Variants in ADAMTS9 observed in about 807,000 individuals in gnomAD.
ADAMTS9 encodes ADAM metallopeptidase with thrombospondin type 1 motif 9, also known as A disintegrin and metalloproteinase with thrombospondin motifs 9.
ADAMTS9 carries 107 observed loss-of-function variants against 257.1 expected under a neutral mutation model. The observed-to-expected ratio is 0.42, with a 90% CI of 0.36 to 0.49. The LOEUF is 0.49. ADAMTS9 is among the 20% of genes least tolerant of loss of function. The probability of loss-of-function intolerance (pLI) is 0.03; values close to 1 mark genes in which losing one functional copy is unlikely to be tolerated. For synonymous variants in ADAMTS9, 982 were observed against 880.9 expected (o/e 1.11, Z -2.03); for missense variants, 2,353 against 2,469.1 (o/e 0.95, Z 1.00).
intron 28 of ADAMTS9, chr3:64,588,819 G>C (rs1214736079): frequency 6.6e-6 from 1 of 152,182 alleles, no homozygotes; most frequent in Non-Finnish European, 1.5e-5. Context: ...TTAAAAGCCT[G>C]CTAAGTTTTG....
chr3:64,567,537 T>C (rs978699008), intron 29 of ADAMTS9, among the ~76,000 whole-genome samples: 15 of 152,210 alleles, frequency 9.9e-5, no homozygotes, highest in South Asian at 2.1e-4. Flanking sequence ...GGATTTGATA[T>C]GAACGGCTTT....
chr3:64,596,566 A>G (rs2084368273), intron 27 of ADAMTS9, among the ~76,000 whole-genome samples: 1 of 152,210 alleles, frequency 6.6e-6, no homozygotes, highest in Admixed American at 6.5e-5. Flanking sequence ...TTTTTTAATC[A>G]TCAGAGGTGA....
chr3:64,639,297 T>TTTTG (rs1700577270), intron 12 of ADAMTS9, among the ~76,000 whole-genome samples: 3 of 143,958 alleles, frequency 2.1e-5, no homozygotes, highest in Non-Finnish European at 4.5e-5. Flanking sequence ...TGGATTGTTT[T>TTTTG]TTTTTTTTTT....
chr3:64,548,050 A>C (rs2106926094), intron 31 of ADAMTS9, among the ~76,000 whole-genome samples: 1 of 152,264 alleles, frequency 6.6e-6, no homozygotes, highest in Admixed American at 6.5e-5. Flanking sequence ...ACCCCAAAAC[A>C]GTATGCCACA....
Position 64,686,858 on chromosome 3 carries a change from T to A in ADAMTS9, c.226A>T (p.Ile76Phe), listed in dbSNP as rs114504955. 3.1e-6 allele frequency: 5 copies of A among 1,614,016 alleles called. No homozygotes were observed. The highest frequency in any genetic ancestry group is 1.3e-5 in the African/African-American group (1 of 74,918). ...GGCCAGGGGTCAGTGGCAGAGTTAA[T>A]GCTCCGTCGCGTTCTTTTGAAGTGG... The part of the protein sequence containing the change: ...NVHFKRTRRS[I>F]NSATDPWPAF... The change falls in exon 2 of 40, where the codon ATT becomes TTT. Residue 76 changes from isoleucine to phenylalanine, a missense_variant. By Grantham distance (21) the Ile-to-Phe change is conservative. Transcript: ENST00000498707. This position sits in a 1 kb window ranked among gnomAD's most constrained non-coding sequence, Gnocchi z 4.6.
intron 29 of ADAMTS9, chr3:64,565,502 C>T (rs1469571632): frequency 6.6e-6 from 1 of 152,194 alleles, no homozygotes; most frequent in Non-Finnish European, 1.5e-5. Context: ...TGAAGAAGAT[C>T]TGCATCTCAG....
Position 64,687,526 on chromosome 3 carries a change from G to T in ADAMTS9, c.115+17C>A. 1 of 1,517,572 alleles carries T rather than the reference G, an allele frequency of 6.6e-7. No homozygotes were observed. The allele number at this position is 1,517,572 out of a possible 1,614,324, so 94.0% of individuals were successfully genotyped here. A position where few individuals can be genotyped will look rare whatever the true frequency, so the allele number is the denominator to read the frequency against. On this transcript the variant is annotated intron_variant, in intron 1 of 39. Transcript: ENST00000498707. The surrounding 1 kb of genome is among the most constrained non-coding windows in gnomAD (Gnocchi z 4.4). ...GCGTCGGGGCCGGCGGGGTCCCGGG[G>T]GCCGGAGCCTGGTTACCTTGCCTCG...
At chr3:64,561,794 T>C in intron 29 of ADAMTS9, 43 bp from the exon 30 acceptor site, 1 of 1,434,966 alleles carries the variant, frequency 7.0e-7, no homozygotes, top group African/African-American at 1.4e-5. Context: ...GGCTCATTTA[T>C]TTTTTGGGGG....
At chr3:64,653,572 G>T (rs1700984315) in intron 8 of ADAMTS9, among the ~76,000 whole-genome samples, 2 of 152,110 alleles carry the variant, frequency 1.3e-5, no homozygotes, top group Non-Finnish European at 1.5e-5. Context: ...TTTAATAAAT[G>T]ATGTTAGCTC....
At position 64,554,371 on chromosome 3, in the gene ADAMTS9, G is replaced by A. The variant is rs187479001; in HGVS notation, c.4699-3309C>T. On this transcript the variant is annotated intron_variant, in intron 30 of 39. Coordinates refer to ENST00000498707, the MANE Select transcript of ADAMTS9 (RefSeq NM_182920.2). Reference sequence around the variant, plus strand: ...CCAGTGTTTCCTAAATTAGTCAACAGCAGCTCTGAAAATCACATGGCAAGG... The same window carrying A: ...CCAGTGTTTCCTAAATTAGTCAACAACAGCTCTGAAAATCACATGGCAAGG... Among the ~76,000 whole-genome samples, 50 of 152,312 alleles carry A rather than the reference G, an allele frequency of 3.3e-4. No individual in the cohort carries two copies. In the East Asian group the frequency reaches 6.6e-3, roughly 20 times the overall value.
intron 39 of ADAMTS9, among the ~76,000 whole-genome samples, 172 bp downstream of exon 39, chr3:64,521,993 AT>A (rs1332061273): frequency 6.6e-6 from 1 of 152,222 alleles, no homozygotes; most frequent in African/African-American, 2.4e-5. Flanking sequence ...CAGAGAACTG[AT>A]GGCTTCAGTC....
chr3:64,528,424 TTCTG>T (rs746828610), intron 38 of ADAMTS9, among the ~76,000 whole-genome samples: 19 of 152,152 alleles, frequency 1.2e-4, no homozygotes, highest in Non-Finnish European at 2.5e-4. Flanking sequence ...ATGGCCTCCT[TTCTG>T]TCTGTCTGTC....
chr3:64,640,859 G>A (rs1301017927), intron 12 of ADAMTS9, among the ~76,000 whole-genome samples: 1 of 150,636 alleles, frequency 6.6e-6, no homozygotes, highest in Admixed American at 6.6e-5. Context: ...TGTCTGCTAT[G>A]ACAAATGCTG....
At chr3:64,677,821 G>GCA (rs1416267646) in intron 3 of ADAMTS9, among the ~76,000 whole-genome samples, 1 of 152,030 alleles carries the variant, frequency 6.6e-6, no homozygotes, top group East Asian at 1.9e-4. Context: ...TCTCCTCCTG[G>GCA]CACAGAGAAG....
At chr3:64,643,448 T>C (rs1012262191) in intron 11 of ADAMTS9, among the ~76,000 whole-genome samples, 3 of 120,744 alleles carry the variant, frequency 2.5e-5, no homozygotes, top group Non-Finnish European at 5.2e-5. Context: ...CTCAATAATT[T>C]TTTTTTTTTT....
intron 30 of ADAMTS9, among the ~76,000 whole-genome samples, chr3:64,554,631 G>A (rs1007956762): frequency 6.6e-6 from 1 of 152,198 alleles, no homozygotes; most frequent in Admixed American, 6.5e-5. Flanking sequence ...TCTAATTTCA[G>A]TATGGCTTTT....
chr3:64,582,059 T>C (rs1450993309), intron 28 of ADAMTS9, among the ~76,000 whole-genome samples: 1 of 152,170 alleles, frequency 6.6e-6, no homozygotes, highest in African/African-American at 2.4e-5. Flanking sequence ...CCAAGACATA[T>C]CATCTAAAAT....
rs886520869 is a variant in ADAMTS9 at position 64,687,053 on chromosome 3, G to C, written c.116-85C>G. On this transcript the variant is annotated intron_variant, in intron 1 of 39. Coordinates refer to ENST00000498707, the MANE Select transcript of ADAMTS9 (RefSeq NM_182920.2). This position sits in a 1 kb window ranked among gnomAD's most constrained non-coding sequence, Gnocchi z 4.4. ...AAAACGAAGGTGGGGACTTTGTTCTGACCTTATTTTCCAGCCCATTCGAGT... is the reference window on the plus strand; with the variant it reads ...AAAACGAAGGTGGGGACTTTGTTCTCACCTTATTTTCCAGCCCATTCGAGT... 5 of 1,477,366 alleles carry C rather than the reference G, an allele frequency of 3.4e-6. No homozygotes were observed. The highest frequency in any genetic ancestry group is 4.6e-6 in the Non-Finnish European group (5 of 1,094,858). The allele number at this position is 1,477,366 out of a possible 1,614,324, so 91.5% of individuals were successfully genotyped here. A position where few individuals can be genotyped will look rare whatever the true frequency, so the allele number is the denominator to read the frequency against.
Position 64,568,549 on chromosome 3 carries a change from C to A in ADAMTS9, c.4357-14G>T. On this transcript the variant is annotated splice_polypyrimidine_tract_variant and intron_variant, in intron 28 of 39. Transcript: ENST00000498707. The stretch of plus-strand genomic sequence containing the variant: ...AGAGACAGAACACTGCAATATAAAG[C>A]AATGGCAAGGTTGTTGTTGTTTTTT... 1 of 1,610,132 alleles carries A rather than the reference C, an allele frequency of 6.2e-7. No homozygotes were observed. The highest frequency in any genetic ancestry group is 8.5e-7 in the Non-Finnish European group (1 of 1,179,012).
Sources: gnomAD v4.1 joint callset for allele counts (sites outside exome capture counted in the v4.1 genomes callset) on GRCh38, gnomAD v4.1.1 for gene constraint, Gnocchi (gnomAD v3.1) non-coding constraint, MANE v1.5 for transcripts, NCBI Gene and HGNC (gene_info 2026-07-23, HGNC 2026-07-21) for gene names.